Variants in PCCA observed in about 807,000 individuals in gnomAD.
PCCA encodes propionyl-CoA carboxylase subunit alpha, also known as propionyl-CoA carboxylase alpha chain, mitochondrial.
A neutral mutation model predicts 101.3 loss-of-function variants in PCCA; 74 were observed. The observed-to-expected ratio is 0.73, with a 90% CI of 0.61 to 0.89. The LOEUF (loss-of-function observed/expected upper bound fraction) is 0.89, where lower values mean the gene tolerates loss of function less well. Among genes scored for constraint, PCCA ranks in the 40% least tolerant of loss-of-function variants. The pLI is 0.00. For synonymous variants in PCCA, 294 were observed against 313.6 expected (o/e 0.94, Z 0.66); for missense variants, 891 against 907.0 (o/e 0.98, Z 0.23).
intron 20 of PCCA, among the ~76,000 whole-genome samples, chr13:100,435,647 A>G (rs1056652299): frequency 1.3e-5 from 2 of 152,228 alleles, no homozygotes; most frequent in African/African-American, 2.4e-5. Context: ...CATGATTGCA[A>G]GTTATCCAGG....
At chr13:100,332,517 C>T (rs950968088) in intron 17 of PCCA, among the ~76,000 whole-genome samples, 12 of 150,878 alleles carry the variant, frequency 8.0e-5, no homozygotes, top group Admixed American at 1.3e-4. Flanking sequence ...TATATATATA[C>T]ACACACACAA....
intron 19 of PCCA, among the ~76,000 whole-genome samples, chr13:100,389,255 G>T (rs1053476760): frequency 6.6e-6 from 1 of 152,178 alleles, no homozygotes; most frequent in African/African-American, 2.4e-5. Flanking sequence ...AGGAGGTTTG[G>T]GGGAGGGTAG....
chr13:100,457,713 C>G (rs905235957), intron 21 of PCCA, among the ~76,000 whole-genome samples: 3 of 152,182 alleles, frequency 2.0e-5, no homozygotes, highest in African/African-American at 7.2e-5. Context: ...AAAGGTAGTT[C>G]AGAGCAAAGA....
intron 4 of PCCA, among the ~76,000 whole-genome samples, chr13:100,113,501 A>G (rs2048513210): frequency 6.6e-6 from 1 of 152,138 alleles, no homozygotes; most frequent in Admixed American, 6.5e-5. Context: ...TTCTTTCTTC[A>G]ATAATAAATT....
intron 19 of PCCA, among the ~76,000 whole-genome samples, chr13:100,422,123 CTTT>C (rs2078858492): frequency 1.8e-5 from 1 of 56,330 alleles, no homozygotes; most frequent in Non-Finnish European, 3.7e-5. Flanking sequence ...TCTTTCTTTT[CTTT>C]CTTTCTTTCT....
At chr13:100,159,394 A>G (rs573594257) in intron 6 of PCCA, among the ~76,000 whole-genome samples, 3 of 152,140 alleles carry the variant, frequency 2.0e-5, no homozygotes, top group Admixed American at 6.5e-5. Flanking sequence ...TGGCCAAAAA[A>G]TGCTTCTTTA....
At chr13:100,391,167 G>A (rs1049832075) in intron 19 of PCCA, among the ~76,000 whole-genome samples, 9 of 152,122 alleles carry the variant, frequency 5.9e-5, no homozygotes, top group South Asian at 2.1e-4. Flanking sequence ...ACAGGCGCAC[G>A]CCACCACGCC....
rs768254974 is a variant in PCCA, at chr13:100,301,565, A to G, written c.1171A>G (p.Ile391Val). Reference sequence around the variant, plus strand: ...CAGGCACAAACAAGCTGATATTCGCATCAACGGCTGGGCAGTTGAATGTCG... The same window carrying G: ...CAGGCACAAACAAGCTGATATTCGCGTCAACGGCTGGGCAGTTGAATGTCG... The part of the protein sequence containing the change: ...PLRHKQADIR[I>V]NGWAVECRVY... The change falls in exon 13 of 24, where the codon ATC becomes GTC. Residue 391 changes from isoleucine to valine, a missense_variant. By Grantham distance (29) the Ile-to-Val change is conservative (BLOSUM62 3). Coordinates refer to ENST00000376285, the MANE Select transcript of PCCA (RefSeq NM_000282.4). The G allele has an allele frequency of 5.6e-6, 9 of 1,613,962 alleles. No homozygotes were observed. In the East Asian group the frequency reaches 1.3e-4, roughly 24 times the overall value.
chr13:100,142,764 A>G (rs1211295117), intron 4 of PCCA, among the ~76,000 whole-genome samples: 3 of 152,076 alleles, frequency 2.0e-5, no homozygotes, highest in African/African-American at 7.2e-5. Flanking sequence ...ATGAGCCACC[A>G]CACCCAGCTG....
At chr13:100,247,847 C>G (rs2061537498) in intron 8 of PCCA, among the ~76,000 whole-genome samples, 2 of 152,066 alleles carry the variant, frequency 1.3e-5, no homozygotes, top group Admixed American at 1.3e-4. Flanking sequence ...TCTGATGGAC[C>G]TATATTTGAA....
At chr13:100,506,109 G>A (rs147896442) in intron 21 of PCCA, among the ~76,000 whole-genome samples, 8 of 152,164 alleles carry the variant, frequency 5.3e-5, no homozygotes, top group African/African-American at 1.9e-4. Flanking sequence ...TGTCACAGTC[G>A]GGCCTGTTGG....
intron 22 of PCCA, among the ~76,000 whole-genome samples, chr13:100,520,092 T>C (rs2087119646): frequency 6.6e-6 from 1 of 152,250 alleles, no homozygotes; most frequent in African/African-American, 2.4e-5. Flanking sequence ...TTTGTTAACA[T>C]TTTAAGACTT....
chr13:100,410,825 G>A (rs1161490530), intron 19 of PCCA, among the ~76,000 whole-genome samples: 2 of 151,330 alleles, frequency 1.3e-5, no homozygotes, highest in Non-Finnish European at 2.9e-5. Context: ...TCGGTTGACT[G>A]TTTTTTTTGT....
At chr13:100,520,462 C>T (rs868122272) in intron 22 of PCCA, among the ~76,000 whole-genome samples, 2 of 151,662 alleles carry the variant, frequency 1.3e-5, no homozygotes. Context: ...GGTGAAACCC[C>T]GTCTCTACTA....
chr13:100,363,280 A>G (rs1262829703), intron 18 of PCCA, among the ~76,000 whole-genome samples: 1 of 152,032 alleles, frequency 6.6e-6, no homozygotes, highest in Admixed American at 6.5e-5. Flanking sequence ...TTCATATACT[A>G]GATCTAAAGT....
chr13:100,256,289 G>A (rs1172249346), intron 8 of PCCA, among the ~76,000 whole-genome samples: 1 of 152,156 alleles, frequency 6.6e-6, no homozygotes, highest in Admixed American at 6.5e-5. Flanking sequence ...ACAGACATGA[G>A]CCACTGTGCC....
At chr13:100,339,245 C>T (rs907665118) in intron 17 of PCCA, among the ~76,000 whole-genome samples, 12 of 152,118 alleles carry the variant, frequency 7.9e-5, no homozygotes, top group African/African-American at 2.9e-4. Flanking sequence ...ATGTTCAGTA[C>T]AGACAACAAT....
intron 11 of PCCA, among the ~76,000 whole-genome samples, chr13:100,270,433 A>G (rs569571502): frequency 6.6e-6 from 1 of 152,312 alleles, no homozygotes; most frequent in Admixed American, 6.5e-5. Flanking sequence ...AATTCAATTA[A>G]CACTCTGTTT....
intron 16 of PCCA, among the ~76,000 whole-genome samples, chr13:100,329,618 A>C (rs1286099912): frequency 6.6e-6 from 1 of 152,174 alleles, no homozygotes; most frequent in Non-Finnish European, 1.5e-5. Context: ...AATAAAAAAT[A>C]TTATCATTTT....
Sources: gnomAD v4.1 joint callset for allele counts (sites outside exome capture counted in the v4.1 genomes callset) on GRCh38, gnomAD v4.1.1 for gene constraint, MANE v1.5 for transcripts, NCBI Gene and HGNC (gene_info 2026-07-23, HGNC 2026-07-21) for gene names.